SUSD5: variants seen among roughly 807,000 people sequenced by gnomAD.
SUSD5 encodes the protein sushi domain-containing protein 5.
SUSD5 carries 33 observed loss-of-function variants against 29.5 expected under a neutral mutation model. That is an observed-to-expected ratio of 1.12 (90% CI 0.85 to 1.49). The LOEUF (loss-of-function observed/expected upper bound fraction) is 1.49, where lower values mean the gene tolerates loss of function less well. Among genes scored for constraint, SUSD5 ranks in the 40% most tolerant of loss-of-function variants. The pLI, the probability that SUSD5 is intolerant of heterozygous loss-of-function variation, is 0.00. For synonymous variants in SUSD5, 308 were observed against 325.3 expected (o/e 0.95, Z 0.57); for missense variants, 776 against 800.6 (o/e 0.97, Z 0.37).
Position 33,153,595 on chromosome 3 carries a change from G to A in SUSD5, c.1037C>T (p.Pro346Leu). 1 of 1,613,954 alleles carries A rather than the reference G, an allele frequency of 6.2e-7. No homozygotes were observed. The highest frequency in any genetic ancestry group is 8.5e-7 in the Non-Finnish European group (1 of 1,179,890). ...ATTCTTGCCCACAAATGGCCCCGAGGGACCATCAGTGTTGCCGTAGATCAC... is the reference window on the plus strand; with the variant it reads ...ATTCTTGCCCACAAATGGCCCCGAGAGACCATCAGTGTTGCCGTAGATCAC... ...TKVIYGNTDG[P>L]SGPFVGKNDS... Residue 346 changes from proline (P) to leucine (L), a missense_variant, in exon 5 of 5, where the codon CCC becomes CTC. Transcript: ENST00000309558.
intron 3 of SUSD5, among the ~76,000 whole-genome samples, chr3:33,177,940 T>C (rs1184804253): frequency 6.6e-6 from 1 of 152,180 alleles, no homozygotes; most frequent in African/African-American, 2.4e-5. Context: ...CAGTTTCAGT[T>C]GTTCCTTCGC....
chr3:33,171,999 G>A (rs1037201671), intron 4 of SUSD5, among the ~76,000 whole-genome samples: 4 of 152,110 alleles, frequency 2.6e-5, no homozygotes, highest in South Asian at 2.1e-4. Context: ...CAGCACCTAG[G>A]ATCCTGCCAA....
chr3:33,169,326 T>C (rs1413271620), intron 4 of SUSD5, among the ~76,000 whole-genome samples: 1 of 152,134 alleles, frequency 6.6e-6, no homozygotes, highest in Non-Finnish European at 1.5e-5. Context: ...GTTCAAGTGA[T>C]TCTTCTGCCT....
chr3:33,207,721 C>CA, intron 3 of SUSD5, 87 bp downstream of exon 3: 1 of 817,584 alleles, frequency 1.2e-6, no homozygotes, highest in Non-Finnish European at 1.9e-6. Flanking sequence ...ATCCTCACTT[C>CA]AAGGTTTTCT....
intron 3 of SUSD5, among the ~76,000 whole-genome samples, chr3:33,199,955 G>A (rs2032078160): frequency 6.6e-6 from 1 of 152,182 alleles, no homozygotes; most frequent in Non-Finnish European, 1.5e-5. Context: ...GCCATGTAAA[G>A]AAGGCTCTTG....
chr3:33,201,902 A>C (rs558286811), intron 3 of SUSD5, among the ~76,000 whole-genome samples: 2 of 152,102 alleles, frequency 1.3e-5, no homozygotes, highest in Non-Finnish European at 2.9e-5. Flanking sequence ...CCCTCAACTT[A>C]TCCATCTCAA....
chr3:33,198,695 A>G (rs1345125552), intron 3 of SUSD5, among the ~76,000 whole-genome samples: 1 of 152,134 alleles, frequency 6.6e-6, no homozygotes, highest in Non-Finnish European at 1.5e-5. Context: ...GAAACCATCT[A>G]GGCTCACTGT....
chr3:33,213,325 G>A (rs2032357688), intron 2 of SUSD5, among the ~76,000 whole-genome samples: 1 of 151,618 alleles, frequency 6.6e-6, no homozygotes, highest in African/African-American at 2.4e-5. Flanking sequence ...AAACATTAGA[G>A]CCCAGGATGT....
chr3:33,169,628 G>A (rs779278104), intron 4 of SUSD5, among the ~76,000 whole-genome samples: 6 of 152,220 alleles, frequency 3.9e-5, no homozygotes, highest in Non-Finnish European at 7.3e-5. Flanking sequence ...ACAGCATGGA[G>A]TGAGTGTTTG....
At position 33,153,367 on chromosome 3, in the gene SUSD5, C is replaced by T. The variant is rs771156209; in HGVS notation, c.1265G>A (p.Ser422Asn). ...PILVEVKKPK[S>N]STLTPSEGMT... Reference sequence around the variant, plus strand: ...GCCCTCGCTTGGTGTGAGGGTGCTACTCTTGGGCTTCTTAACTTCCACAAG... The same window carrying T: ...GCCCTCGCTTGGTGTGAGGGTGCTATTCTTGGGCTTCTTAACTTCCACAAG... The change falls in exon 5 of 5, where the codon AGT (serine) becomes AAT (asparagine). Residue 422 changes from serine (S) to asparagine (N), a missense_variant. Coordinates refer to ENST00000309558, the MANE Select transcript of SUSD5 (RefSeq NM_015551.2). The T allele has an allele frequency of 1.9e-6, 3 of 1,613,768 alleles. No homozygotes were observed. In the African/African-American group the frequency reaches 4.0e-5, roughly 22 times the overall value.
At position 33,213,965 on chromosome 3, in the gene SUSD5, C is replaced by T. The variant is rs747506987; in HGVS notation, c.253G>A (p.Val85Met). The T allele has an allele frequency of 1.4e-5, 22 of 1,611,772 alleles. No individual in the cohort carries two copies. The African/African-American group carries it at 2.5e-4, about 19-fold the overall frequency. ...RRVVQDCSFA[V>M]CTTGWLADGT... is the part of the protein sequence containing the mutation. ...TCTGCTAGCCAGCCAGTGGTGCACACCGCAAAGGAGCAATCCTGTACCACT... is the reference window on the plus strand; with the variant it reads ...TCTGCTAGCCAGCCAGTGGTGCACATCGCAAAGGAGCAATCCTGTACCACT... The change falls in exon 2 of 5, where the codon GTG becomes ATG. Residue 85 changes from valine to methionine, a missense_variant. Coordinates refer to ENST00000309558, the MANE Select transcript of SUSD5 (RefSeq NM_015551.2).
chr3:33,208,010 G>T, intron 2 of SUSD5, 84 bp from the exon 3 acceptor site: 1 of 970,082 alleles, frequency 1.0e-6, no homozygotes, highest in Non-Finnish European at 1.6e-6. Flanking sequence ...TGTCAGCTCC[G>T]AATCAGCAGA....
chr3:33,181,087 GTTA>G (rs570495961), intron 3 of SUSD5, among the ~76,000 whole-genome samples: 66 of 151,674 alleles, frequency 4.4e-4, no homozygotes, highest in Non-Finnish European at 8.0e-4. Flanking sequence ...TTTAAGCTCT[GTTA>G]TTATGAAAAA....
At position 33,153,574 on chromosome 3, in the gene SUSD5, T is replaced by TTGCCC. The variant is rs757019323; in HGVS notation, c.1053_1057dup (p.Lys353ArgfsTer13). On this transcript the variant is annotated frameshift_variant, in exon 5 of 5. Coordinates refer to ENST00000309558, the MANE Select transcript of SUSD5 (RefSeq NM_015551.2). LOFTEE classifies it low-confidence loss of function (END_TRUNC). ...TGGATCTCCTGCCTTGCTGTCATTC[T>TTGCCC]TGCCCACAAATGGCCCCGAGGGACC... 5.0e-6 allele frequency: 8 copies of TTGCCC among 1,613,924 alleles called. No individual in the cohort carries two copies. In the Admixed American group the frequency reaches 1.3e-4, roughly 27 times the overall value.
intron 1 of SUSD5, among the ~76,000 whole-genome samples, chr3:33,217,126 C>T (rs2125635465): frequency 6.6e-6 from 1 of 152,266 alleles, no homozygotes; most frequent in East Asian, 1.9e-4. Context: ...TGGCATTCCA[C>T]TTAAACAGTT....
In SUSD5 at chr3:33,153,356, T is replaced by G; in HGVS notation, c.1276A>C (p.Thr426Pro). The G allele has an allele frequency of 6.2e-7, 1 of 1,613,872 alleles. No individual in the cohort carries two copies. The highest frequency in any genetic ancestry group is 1.1e-5 in the South Asian group (1 of 91,056). Residue 426 changes from threonine to proline, a missense_variant, in exon 5 of 5, where the codon ACA (threonine) becomes CCA (proline). Coordinates refer to ENST00000309558, the MANE Select transcript of SUSD5 (RefSeq NM_015551.2). ...EVKKPKSSTL[T>P]PSEGMTHSSV... ...CTATGGGTCATGCCCTCGCTTGGTGTGAGGGTGCTACTCTTGGGCTTCTTA... is the reference window on the plus strand; with the variant it reads ...CTATGGGTCATGCCCTCGCTTGGTGGGAGGGTGCTACTCTTGGGCTTCTTA...
intron 4 of SUSD5, among the ~76,000 whole-genome samples, chr3:33,165,692 A>T (rs1021821746): frequency 6.6e-6 from 1 of 152,212 alleles, no homozygotes; most frequent in Admixed American, 6.5e-5. Context: ...ATTTCACCTC[A>T]TCATGTTCAG....
Position 33,208,606 on chromosome 3 carries a change from T to C in SUSD5, c.291-680A>G, listed in dbSNP as rs541697742. ...TCCTCTTCTTTCTTTTTTCCCACTT[T>C]GGGTTATCTGAATTATTCTTCTTCT... is the stretch of plus-strand genomic sequence containing the variant. On this transcript the variant is annotated intron_variant, in intron 2 of 4. Coordinates refer to ENST00000309558, the MANE Select transcript of SUSD5 (RefSeq NM_015551.2). Among the ~76,000 whole-genome samples the C allele has an allele frequency of 1.9e-4, 29 of 152,290 alleles. 1 individual carries two copies. The highest frequency in any genetic ancestry group is 1.8e-3 in the Admixed American group (28 of 15,300).
rs181936995 is a variant in SUSD5, at chr3:33,155,864, C to A, written c.599-1831G>T. On this transcript the variant is annotated intron_variant, in intron 4 of 4. Transcript: ENST00000309558. ...ATGTCGGAACTCAGGATGGTAGTTA[C>A]ACTTGGGTAGGAGAGAAGGGGTGAT... 2.2e-3 allele frequency among the ~76,000 whole-genome samples: 337 copies of A among 152,202 alleles called. 4 individuals carry two copies. The highest frequency in any genetic ancestry group is 3.7e-3 in the East Asian group (19 of 5,180).
Sources: gnomAD v4.1 joint callset for allele counts (sites outside exome capture counted in the v4.1 genomes callset) on GRCh38, gnomAD v4.1.1 for gene constraint, MANE v1.5 for transcripts, NCBI Gene and HGNC (gene_info 2026-07-23, HGNC 2026-07-21) for gene names.